Variants in GUCY1B1 observed in about 807,000 individuals in gnomAD.
The protein encoded by GUCY1B1 is guanylate cyclase soluble subunit beta-1.
A neutral mutation model predicts 71.0 loss-of-function variants in GUCY1B1; 43 were observed. That is an observed-to-expected ratio of 0.61 (90% CI 0.47 to 0.78). GUCY1B1 has a LOEUF of 0.78. GUCY1B1 is among the 30% of genes least tolerant of loss of function. GUCY1B1 has a pLI of 0.00. For synonymous variants in GUCY1B1, 266 were observed against 259.7 expected, an observed-to-expected ratio of 1.02 and a Z score of -0.23; for missense variants, 535 against 754.1, an observed-to-expected ratio of 0.71 and a Z score of 3.40.
At chr4:155,783,206 A>T (rs1738554779) in intron 4 of GUCY1B1, among the ~76,000 whole-genome samples, 1 of 152,190 alleles carries the variant, frequency 6.6e-6, no homozygotes, top group African/African-American at 2.4e-5. Flanking sequence ...GCTGTATTTG[A>T]TAAGATAATC....
chr4:155,772,854 A>G (rs1737788842), intron 2 of GUCY1B1: 4 of 696,858 alleles, frequency 5.7e-6, no homozygotes, highest in African/African-American at 1.8e-5. Flanking sequence ...TTATGAATAA[A>G]TGCAGGCAAA....
chr4:155,768,253 T>A (rs1175414553), intron 2 of GUCY1B1, among the ~76,000 whole-genome samples: 1 of 152,172 alleles, frequency 6.6e-6, no homozygotes, highest in African/African-American at 2.4e-5. Context: ...TAGCAGGAGC[T>A]CAGGGTCAGA....
chr4:155,801,065 G>A (rs1230174259), intron 9 of GUCY1B1, among the ~76,000 whole-genome samples: 1 of 152,106 alleles, frequency 6.6e-6, no homozygotes, highest in East Asian at 1.9e-4. Context: ...CAGATATTCT[G>A]TACTGAAAAA....
At chr4:155,761,743 A>G (rs1260188406) in intron 2 of GUCY1B1, among the ~76,000 whole-genome samples, 8 of 152,252 alleles carry the variant, frequency 5.3e-5, no homozygotes, top group Admixed American at 5.2e-4. Context: ...ACTTTAAAAA[A>G]TTATTTATTA....
Position 155,763,623 on chromosome 4 carries a change from C to T in GUCY1B1, c.77+3763C>T, listed in dbSNP as rs60110088. 6.8e-3 allele frequency among the ~76,000 whole-genome samples: 1,038 copies of T among 152,064 alleles called. 12 individuals carry two copies. The highest frequency in any genetic ancestry group is 0.023 in the African/African-American group (963 of 41,484). On this transcript the variant is annotated intron_variant, in intron 2 of 13. Transcript: ENST00000264424. ...TATTTTCCTGCCTATAACTCAAATA[C>T]GGTAACCTTTTGTCTGTTGGATAGC...
intron 2 of GUCY1B1, among the ~76,000 whole-genome samples, chr4:155,771,566 A>G (rs767192832): frequency 1.3e-5 from 2 of 152,232 alleles, no homozygotes; most frequent in Non-Finnish European, 2.9e-5. Context: ...TACTTATTGT[A>G]TCTTTAATTA....
intron 4 of GUCY1B1, among the ~76,000 whole-genome samples, chr4:155,788,076 A>G (rs1297525148): frequency 6.6e-6 from 1 of 152,220 alleles, no homozygotes; most frequent in Non-Finnish European, 1.5e-5. Context: ...ACAAATGACC[A>G]CAAACTTAAG....
At chr4:155,771,280 T>G (rs1279723136) in intron 2 of GUCY1B1, among the ~76,000 whole-genome samples, 1 of 152,196 alleles carries the variant, frequency 6.6e-6, no homozygotes, top group African/African-American at 2.4e-5. Flanking sequence ...CACTGGTCAT[T>G]TCAGGAAGTA....
intron 5 of GUCY1B1, among the ~76,000 whole-genome samples, chr4:155,790,250 T>C (rs1739066019): frequency 6.6e-6 from 1 of 152,206 alleles, no homozygotes; most frequent in Non-Finnish European, 1.5e-5. Context: ...ATATCCATAA[T>C]ATGGATAGTC....
chr4:155,807,342 C>G lies in GUCY1B1; in HGVS notation c.*933C>G, dbSNP rs1172854694. 2 of 152,104 alleles carry G rather than the reference C, an allele frequency of 1.3e-5. No individual in the cohort carries two copies. Among genetic ancestry groups the G allele is most frequent in the Admixed American group, 1.3e-4 (2 of 15,240 alleles). 9.4% of individuals were successfully genotyped at this position (152,104 alleles called of 1,614,324 possible). A position where few individuals can be genotyped will look rare whatever the true frequency, so the allele number is the denominator to read the frequency against. The stretch of plus-strand genomic sequence containing the variant: ...TAGCTTAGAAGAATGTGATTATATC[C>G]AGGACATCATGTTCAGAAAACTTAG... On this transcript the variant is annotated 3_prime_UTR_variant, in exon 14 of 14. Coordinates refer to ENST00000264424, the MANE Select transcript of GUCY1B1 (RefSeq NM_000857.5).
intron 2 of GUCY1B1, among the ~76,000 whole-genome samples, chr4:155,760,080 C>G (rs1436204042): frequency 2.0e-5 from 3 of 152,118 alleles, no homozygotes; most frequent in Admixed American, 6.5e-5. Context: ...GGGCGAGAAC[C>G]GCGGAAAGGA....
At chr4:155,772,992 C>T (rs1476807923) in intron 2 of GUCY1B1, among the ~76,000 whole-genome samples, 1 of 152,200 alleles carries the variant, frequency 6.6e-6, no homozygotes, top group African/African-American at 2.4e-5. Flanking sequence ...TGAGTGGCAG[C>T]TGTGATAGCA....
chr4:155,777,433 CA>C, intron 3 of GUCY1B1, 90 bp from the exon 4 acceptor site: 1 of 738,754 alleles, frequency 1.4e-6, no homozygotes, highest in Non-Finnish European at 2.4e-6. Flanking sequence ...AGACATTTTA[CA>C]TTACTTAATA....
At chr4:155,791,556 C>T (rs1561023226) in intron 5 of GUCY1B1, among the ~76,000 whole-genome samples, 1 of 150,202 alleles carries the variant, frequency 6.7e-6, no homozygotes, top group South Asian at 2.1e-4. Flanking sequence ...CGGTGAAACC[C>T]CGTCTCTACT....
chr4:155,798,414 T>C (rs1386583936), intron 8 of GUCY1B1, among the ~76,000 whole-genome samples: 3 of 152,206 alleles, frequency 2.0e-5, no homozygotes, highest in African/African-American at 7.2e-5. Flanking sequence ...TCTCTGCTCA[T>C]GGGCAGGTCT....
rs569729349 is a variant in GUCY1B1 at position 155,807,578 on chromosome 4, A to AT, written c.*1176dup. 4 of 152,016 alleles carry AT rather than the reference A, an allele frequency of 2.6e-5. No individual in the cohort carries two copies. The highest frequency in any genetic ancestry group is 5.9e-5 in the Non-Finnish European group (4 of 67,976). 9.4% of individuals were successfully genotyped at this position (152,016 alleles called of 1,614,324 possible). On this transcript the variant is annotated 3_prime_UTR_variant, in exon 14 of 14. Transcript: ENST00000264424. ...TGTGTAAAAGAGTCTGTAATAAATT[A>AT]TTTTTTTCACGTGTCTCTATACAGT... is the stretch of plus-strand genomic sequence containing the variant.
intron 4 of GUCY1B1, among the ~76,000 whole-genome samples, chr4:155,787,245 T>C (rs1383378560): frequency 1.3e-5 from 2 of 152,210 alleles, no homozygotes; most frequent in Non-Finnish European, 2.9e-5. Flanking sequence ...GTAGGTTATA[T>C]ATACCTCTTC....
chr4:155,770,810 T>C (rs1187974208), intron 2 of GUCY1B1, among the ~76,000 whole-genome samples: 3 of 67,390 alleles, frequency 4.5e-5, no homozygotes, highest in South Asian at 5.2e-4. Flanking sequence ...AACACCTATG[T>C]ATATTATCCT....
Position 155,782,872 on chromosome 4 carries a change from A to G in GUCY1B1, c.297+5230A>G, listed in dbSNP as rs557339806. ...GGAGAGGCCACGTGTAGACTGGCAG[A>G]TAGCAGTTCTAGCTGGGCTCTCAGC... On this transcript the variant is annotated intron_variant, in intron 4 of 13. Transcript: ENST00000264424. Among the ~76,000 whole-genome samples, 9 of 152,270 alleles carry G rather than the reference A, an allele frequency of 5.9e-5. No individual in the cohort carries two copies. In the East Asian group the frequency reaches 1.7e-3, roughly 29 times the overall value.
Sources: allele counts gnomAD v4.1 joint callset (sites outside exome capture counted in the v4.1 genomes callset), GRCh38; gene constraint gnomAD v4.1.1; transcripts MANE v1.5; gene names NCBI Gene and HGNC (gene_info 2026-07-23, HGNC 2026-07-21).